TENM1: variants seen among roughly 807,000 people sequenced by gnomAD.
The protein encoded by TENM1 is teneurin-1.
A neutral mutation model predicts 174.8 loss-of-function variants in TENM1; 35 were observed. The observed-to-expected ratio is 0.20, with a 90% CI of 0.15 to 0.27. The LOEUF (loss-of-function observed/expected upper bound fraction) is 0.27. TENM1 is among the 10% of genes least tolerant of loss of function. TENM1 has a pLI of 1.00. For synonymous variants in TENM1, 781 were observed against 798.7 expected, an observed-to-expected ratio of 0.98 and a Z score of 0.37; for missense variants, 1,633 against 2,130.1, an observed-to-expected ratio of 0.77 and a Z score of 4.59.
chrX:124,438,717 G>C (rs1603266984), intron 23 of TENM1, among the ~76,000 whole-genome samples: 2 of 111,550 alleles, frequency 1.8e-5, no homozygotes, highest in East Asian at 5.6e-4. Flanking sequence ...AGCAGAATTT[G>C]GATATGCTGG....
intron 18 of TENM1, among the ~76,000 whole-genome samples, chrX:124,513,924 GA>G (rs2047640190): frequency 9.0e-6 from 1 of 111,566 alleles, no homozygotes; most frequent in Admixed American, 9.5e-5. Flanking sequence ...ATTATGCCAT[GA>G]AAAACAAGCC....
chrX:124,739,143 CA>C (rs1254442424), intron 3 of TENM1, among the ~76,000 whole-genome samples: 3 of 111,785 alleles, frequency 2.7e-5, no homozygotes. Flanking sequence ...GGATGTATGG[CA>C]AATCTGGGTT....
At chrX:124,404,095 T>C (rs780792112) in intron 27 of TENM1, among the ~76,000 whole-genome samples, 1 of 111,848 alleles carries the variant, frequency 8.9e-6, no homozygotes, top group African/African-American at 3.2e-5. Context: ...CTTGCCTTAC[T>C]GATAATTAAA....
At chrX:124,925,440 T>C (rs905704545) in intron 1 of TENM1, among the ~76,000 whole-genome samples, 1 of 112,202 alleles carries the variant, frequency 8.9e-6, no homozygotes, top group Non-Finnish European at 1.9e-5. Flanking sequence ...AATTATGCTA[T>C]TTACAGTTTA....
Position 124,941,489 on chromosome X carries a change from C to G in TENM1, c.217+22048G>C, listed in dbSNP as rs200142896. Among the ~76,000 whole-genome samples the G allele has an allele frequency of 4.5e-5, 5 of 111,713 alleles. No homozygotes were observed. In the East Asian group the frequency reaches 1.1e-3, roughly 25 times the overall value. ...GCCTCTTCCTTTTATGTTTTCTACT[C>G]TGTACATGCTCTTCCAGTGTGATCA... On this transcript the variant is annotated intron_variant, in intron 1 of 31. Transcript: ENST00000422452.
At chrX:124,685,244 TAAA>T (rs2052333180) in intron 5 of TENM1, among the ~76,000 whole-genome samples, 1 of 110,806 alleles carries the variant, frequency 9.0e-6, no homozygotes. Flanking sequence ...ATAATTAACT[TAAA>T]GAAGCTCAGT....
At chrX:124,754,030 T>C (rs1210398342) in intron 3 of TENM1, among the ~76,000 whole-genome samples, 4 of 111,889 alleles carry the variant, frequency 3.6e-5, no homozygotes, top group African/African-American at 9.8e-5. Flanking sequence ...ATTCCCTCTT[T>C]TTCTATTGAT....
At chrX:124,747,479 C>G (rs1009326951) in intron 3 of TENM1, among the ~76,000 whole-genome samples, 2 of 107,214 alleles carry the variant, frequency 1.9e-5, no homozygotes, top group Non-Finnish European at 3.9e-5. Flanking sequence ...ATAAATATGT[C>G]CTTTAAGCAA....
the TENM1 span, among the ~76,000 whole-genome samples, chrX:124,983,534 A>G: frequency 2.7e-5 from 3 of 111,835 alleles, no homozygotes; most frequent in African/African-American, 9.7e-5. Flanking sequence ...CCAACACATA[A>G]TAGGCCCTCA....
intron 12 of TENM1, among the ~76,000 whole-genome samples, chrX:124,564,884 T>C (rs1426421140): frequency 2.7e-5 from 3 of 111,216 alleles, no homozygotes; most frequent in African/African-American, 9.8e-5. Context: ...ACATGTTCTA[T>C]TGATGATAGG....
At chrX:125,165,247 T>G in the TENM1 span, among the ~76,000 whole-genome samples, 1 of 111,597 alleles carries the variant, frequency 9.0e-6, no homozygotes, top group Admixed American at 9.5e-5. Context: ...AACAATTGGT[T>G]TTGCATATTA....
At chrX:124,472,282 C>A (rs5911863) in intron 22 of TENM1, among the ~76,000 whole-genome samples, 1 of 79,531 alleles carries the variant, frequency 1.3e-5, no homozygotes, top group Non-Finnish European at 2.2e-5. Context: ...CCCCTATTTT[C>A]TGCTTAGATC....
intron 3 of TENM1, among the ~76,000 whole-genome samples, chrX:124,821,489 G>T (rs2056036713): frequency 8.9e-6 from 1 of 112,206 alleles, no homozygotes; most frequent in Non-Finnish European, 1.9e-5. Context: ...CTACAAAATA[G>T]TTCATGAAAA....
intron 11 of TENM1, among the ~76,000 whole-genome samples, chrX:124,578,445 C>T (rs1211262324): frequency 9.0e-6 from 1 of 111,448 alleles, no homozygotes; most frequent in Non-Finnish European, 1.9e-5. Flanking sequence ...TTCCTGGTCT[C>T]GAATCCTAGC....
intron 15 of TENM1, 41 bp downstream of exon 18, chrX:124,546,833 T>C (rs763371712): frequency 2.9e-5 from 30 of 1,040,301 alleles, no homozygotes; most frequent in Admixed American, 1.6e-4. Flanking sequence ...AGGAAAAACA[T>C]GACCATTGTT....
intron 21 of TENM1, among the ~76,000 whole-genome samples, chrX:124,484,882 G>C (rs960013573): frequency 9.0e-5 from 10 of 111,339 alleles, no homozygotes; most frequent in Non-Finnish European, 1.7e-4. Context: ...TACACTGTGA[G>C]CTCTTTGCAG....
At chrX:125,077,834 T>C in the TENM1 span, among the ~76,000 whole-genome samples, 1 of 111,931 alleles carries the variant, frequency 8.9e-6, no homozygotes, top group Non-Finnish European at 1.9e-5. Context: ...TTATAGTACA[T>C]CTGGACTTGG....
intron 11 of TENM1, among the ~76,000 whole-genome samples, chrX:124,575,771 T>A (rs184660367): frequency 8.0e-5 from 9 of 112,059 alleles, no homozygotes; most frequent in Non-Finnish European, 1.5e-4. Context: ...TTGGAATAAA[T>A]CCTGTTTCCT....
exon 32 of TENM1, chrX:124,380,328 C>A (rs890007244): frequency 2.7e-6 from 1 of 370,217 alleles, no homozygotes; most frequent in South Asian, 7.7e-5. Flanking sequence ...AATACTGCCA[C>A]ACAAGAACTA....
Sources: gnomAD v4.1 joint callset for allele counts (sites outside exome capture counted in the v4.1 genomes callset) on GRCh38, gnomAD v4.1.1 for gene constraint, MANE v1.5 for transcripts, NCBI Gene and HGNC (gene_info 2026-07-23, HGNC 2026-07-21) for gene names.